The following ADSL variants were observed in gnomAD, a reference collection of about 807,000 sequenced individuals.
The protein encoded by ADSL is adenylosuccinate lyase.
A neutral mutation model predicts 62.1 loss-of-function variants in ADSL; 44 were observed. The ratio of observed to expected loss-of-function variants is 0.71; its 90% CI spans 0.56 to 0.91. The LOEUF (loss-of-function observed/expected upper bound fraction) is 0.91, where lower values mean the gene tolerates loss of function less well. Among genes scored for constraint, ADSL ranks in the 40% least tolerant of loss-of-function variants. ADSL has a pLI of 0.00. For missense variants in ADSL, 531 were observed against 627.4 expected (o/e 0.85, Z 1.64); for synonymous variants, 198 against 220.5 (o/e 0.90, Z 0.90).
Position 40,369,232 on chromosome 22 carries a change from TCC to T in ADSL, c.*2711_*2712del, listed in dbSNP as rs2045109497. ...TGATTGGCGATTTGACCTGGTTTCTTCCTGGACTATTTGAATGGGTGGATTTG... is the reference window on the plus strand; with the variant it reads ...TGATTGGCGATTTGACCTGGTTTCTTTGGACTATTTGAATGGGTGGATTTG... On this transcript the variant is annotated 3_prime_UTR_variant, in exon 13 of 13. Transcript: ENST00000623063. 6.6e-6 allele frequency: 1 copy of T among 152,120 alleles called. No individual in the cohort carries two copies. Among genetic ancestry groups the T allele is most frequent in the African/African-American group, 2.4e-5 (1 of 41,418 alleles). The allele number at this position is 152,120 out of a possible 1,614,324, so 9.4% of individuals were successfully genotyped here.
chr22:40,357,230 C>T (rs7291418), intron 4 of ADSL, among the ~76,000 whole-genome samples: 2,218 of 146,524 alleles, frequency 0.015, 57 homozygotes, highest in African/African-American at 0.053. Context: ...AACAGACCTT[C>T]AGTGGCTTGA....
At chr22:40,365,538 A>G (rs1035613301) in intron 12 of ADSL, among the ~76,000 whole-genome samples, 1 of 152,130 alleles carries the variant, frequency 6.6e-6, no homozygotes, top group Non-Finnish European at 1.5e-5. Context: ...GGTGCTCAGT[A>G]TGTGTTCAGG....
chr22:40,387,265 G>T (rs1601862303), intron 2 of ADSL: 1 of 398,398 alleles, frequency 2.5e-6, no homozygotes, highest in Non-Finnish European at 4.4e-6. Flanking sequence ...GAGTATAATA[G>T]CATATATACT....
Position 40,358,892 on chromosome 22 carries a change from C to A in ADSL, c.511C>A (p.Arg171Ser). Residue 171 changes from arginine (R) to serine (S), a missense_variant, in exon 5 of 13, where the codon CGT becomes AGT. Transcript: ENST00000623063. Reference sequence around the variant, plus strand: ...TGCACAGCTGACCACAGTTGGGAAACGTTGCTGTCTTTGGATTCAGGATCT... The same window carrying A: ...TGCACAGCTGACCACAGTTGGGAAAAGTTGCTGTCTTTGGATTCAGGATCT... The part of the protein sequence containing the change: ...QPAQLTTVGK[R>S]CCLWIQDLCM... 1 of 1,614,130 alleles carries A rather than the reference C, an allele frequency of 6.2e-7. No individual in the cohort carries two copies. The highest frequency in any genetic ancestry group is 8.5e-7 in the Non-Finnish European group (1 of 1,180,032).
Position 40,363,075 on chromosome 22 carries a change from A to C in ADSL, c.1101+4A>C. 2 of 1,613,010 alleles carry C rather than the reference A, an allele frequency of 1.2e-6. No homozygotes were observed. Among genetic ancestry groups the C allele is most frequent in the Non-Finnish European group, 1.7e-6 (2 of 1,178,988 alleles). On this transcript the variant is annotated splice_donor_region_variant and intron_variant, in intron 10 of 12. Transcript: ENST00000623063. Reference sequence around the variant, plus strand: ...AGGATTGGTCGTGTACCCCAAAGTAAGAAGCCTCAATTCAAAAGTAAAGTA... The same window carrying C: ...AGGATTGGTCGTGTACCCCAAAGTACGAAGCCTCAATTCAAAAGTAAAGTA...
chr22:40,385,905 G>T (rs2048337440), intron 2 of ADSL, among the ~76,000 whole-genome samples: 1 of 151,908 alleles, frequency 6.6e-6, no homozygotes, highest in Non-Finnish European at 1.5e-5. Flanking sequence ...AGGCTGGAGT[G>T]CAGTGGTGCA....
At chr22:40,382,608 A>G (rs1472262683) in intron 2 of ADSL, among the ~76,000 whole-genome samples, 2 of 152,184 alleles carry the variant, frequency 1.3e-5, no homozygotes, top group Middle Eastern at 3.2e-3. Flanking sequence ...AAGCTACACA[A>G]TATCACCATA....
At chr22:40,355,720 A>G (rs904760241) in intron 4 of ADSL, among the ~76,000 whole-genome samples, 6 of 152,236 alleles carry the variant, frequency 3.9e-5, no homozygotes, top group African/African-American at 1.4e-4. Flanking sequence ...TACACCAATA[A>G]TCTGTTAGCA....
At chr22:40,364,112 T>C (rs2044902478) in intron 10 of ADSL, among the ~76,000 whole-genome samples, 164 bp from the exon 11 acceptor site, 1 of 152,102 alleles carries the variant, frequency 6.6e-6, no homozygotes, top group Non-Finnish European at 1.5e-5. Context: ...AAGTCTGAGT[T>C]AGTAAGAAAA....
At chr22:40,373,894 G>A (rs1413328817), downstream of ADSL, among the ~76,000 whole-genome samples, 3 of 152,010 alleles carry the variant, frequency 2.0e-5, no homozygotes, top group Non-Finnish European at 4.4e-5. Context: ...GATTACAGGC[G>A]TGAGCCACCA....
chr22:40,386,989 A>C (rs757830097), intron 2 of ADSL, among the ~76,000 whole-genome samples: 1 of 152,166 alleles, frequency 6.6e-6, no homozygotes, highest in Non-Finnish European at 1.5e-5. Context: ...CCCACTAGAT[A>C]TGTCATCCCA....
Position 40,354,344 on chromosome 22 carries a change from C to T in ADSL, c.482+17C>T, listed in dbSNP as rs750399265. The T allele has an allele frequency of 6.2e-7, 1 of 1,604,062 alleles. No individual in the cohort carries two copies. The highest frequency in any genetic ancestry group is 8.5e-7 in the Non-Finnish European group (1 of 1,170,902). ...ACATTTCCAGTAAGTGATAAGATTA[C>T]TTCTTGTTTATGTGCATATGGCTTT... On this transcript the variant is annotated intron_variant, in intron 4 of 12. Transcript: ENST00000623063.
At chr22:40,353,972 C>A in intron 3 of ADSL, 1 of 513,806 alleles carries the variant, frequency 1.9e-6, no homozygotes, top group Non-Finnish European at 3.5e-6. Context: ...AGGCATGTTG[C>A]TGGGATATGT....
chr22:40,371,081 A>G (rs2045354381), downstream of ADSL, among the ~76,000 whole-genome samples: 1 of 151,964 alleles, frequency 6.6e-6, no homozygotes, highest in Non-Finnish European at 1.5e-5. Flanking sequence ...ACAGCTGCAG[A>G]CTCCTCCTCA....
intron 12 of ADSL, among the ~76,000 whole-genome samples, chr22:40,365,619 T>C (rs2044974186): frequency 6.6e-6 from 1 of 152,046 alleles, no homozygotes; most frequent in African/African-American, 2.4e-5. Flanking sequence ...CCAGTAATCC[T>C]AGCATTTTGG....
intron 4 of ADSL, among the ~76,000 whole-genome samples, chr22:40,356,237 T>C (rs1225979874): frequency 5.4e-5 from 8 of 147,824 alleles, no homozygotes. Flanking sequence ...GAAATTAGGC[T>C]GGGCGGTTAG....
At chr22:40,380,678 G>A (rs2047424797) in intron 2 of ADSL, among the ~76,000 whole-genome samples, 1 of 152,136 alleles carries the variant, frequency 6.6e-6, no homozygotes, top group Non-Finnish European at 1.5e-5. Context: ...GCTCACACCT[G>A]TAATCCCAGC....
At chr22:40,353,656 C>T (rs1003814394) in intron 3 of ADSL, among the ~76,000 whole-genome samples, 19 of 126,742 alleles carry the variant, frequency 1.5e-4, no homozygotes, top group African/African-American at 5.6e-4. Context: ...GATGGAGTCT[C>T]GCTCAGTTAC....
At chr22:40,361,055 G>T (rs764317101) in intron 7 of ADSL, 6 of 631,662 alleles carry the variant, frequency 9.5e-6, no homozygotes, top group Non-Finnish European at 1.7e-5. Context: ...TTTCACAAAA[G>T]CGTTTTCATG....
Sources: gnomAD v4.1 joint callset for allele counts (sites outside exome capture counted in the v4.1 genomes callset) on GRCh38, gnomAD v4.1.1 for gene constraint, MANE v1.5 for transcripts, NCBI Gene and HGNC (gene_info 2026-07-23, HGNC 2026-07-21) for gene names.